The following NIN variants were observed in gnomAD, a reference collection of about 807,000 sequenced individuals.
NIN encodes the protein ninein, also known as glycogen synthase kinase 3 beta-interacting protein.
Under a neutral mutation model 257.6 loss-of-function variants are expected in NIN, and 137 were observed. The observed-to-expected ratio is 0.53, with a 90% confidence interval of 0.46 to 0.61. The LOEUF (loss-of-function observed/expected upper bound fraction) is 0.61, where lower values mean the gene tolerates loss of function less well. Among genes scored for constraint, NIN ranks in the 20% least tolerant of loss-of-function variants. The pLI is 0.00. For synonymous variants in NIN, 918 were observed against 919.8 expected, an observed-to-expected ratio of 1.00 and a Z score of 0.04; for missense variants, 2,439 against 2,501.2, an observed-to-expected ratio of 0.98 and a Z score of 0.53.
chr14:50,735,765 C>G lies in NIN; in HGVS notation c.5776-148G>C, dbSNP rs934981345. On this transcript the variant is annotated intron_variant, in intron 27 of 30. Transcript: ENST00000530997. Reference sequence around the variant, plus strand: ...TCAGTGACAAACAAATAATACAATTCAGTGTATTGCTTACATTTAAGTAAT... The same window carrying G: ...TCAGTGACAAACAAATAATACAATTGAGTGTATTGCTTACATTTAAGTAAT... 1.6e-5 allele frequency: 17 copies of G among 1,037,094 alleles called. No homozygotes were observed. The African/African-American group carries it at 2.6e-4, about 16-fold the overall frequency. The allele number at this position is 1,037,094 out of a possible 1,614,324, so 64.2% of individuals were successfully genotyped here.
chr14:50,762,043 G>T, intron 15 of NIN, 132 bp from the exon 16 acceptor site: 2 of 916,352 alleles, frequency 2.2e-6, no homozygotes, highest in Non-Finnish European at 1.7e-6. Context: ...GAACTAATAG[G>T]AAATAACAGA....
At chr14:50,765,199 C>T (rs754859096) in intron 14 of NIN, among the ~76,000 whole-genome samples, 3 of 151,886 alleles carry the variant, frequency 2.0e-5, no homozygotes, top group Non-Finnish European at 2.9e-5. Flanking sequence ...ATCACACCAC[C>T]GTACTCCAGC....
chr14:50,796,446 C>T (rs150639058), intron 4 of NIN, among the ~76,000 whole-genome samples: 1,806 of 152,222 alleles, frequency 0.012, 20 homozygotes, highest in Non-Finnish European at 0.016. Flanking sequence ...ACATCTGATT[C>T]GAGAGTTAAA....
chr14:50,822,582 G>A (rs529345489), intron 2 of NIN, among the ~76,000 whole-genome samples: 3 of 152,308 alleles, frequency 2.0e-5, no homozygotes, highest in Admixed American at 6.5e-5. Context: ...TGGTGCAATC[G>A]GTCAGCGTGG....
intron 3 of NIN, among the ~76,000 whole-genome samples, chr14:50,808,244 A>G (rs1022963885): frequency 1.3e-5 from 2 of 152,114 alleles, no homozygotes; most frequent in Non-Finnish European, 2.9e-5. Context: ...ATCCTGGGGG[A>G]GGGAGGGGCG....
At chr14:50,808,084 G>T (rs944400793) in intron 3 of NIN, among the ~76,000 whole-genome samples, 1 of 152,130 alleles carries the variant, frequency 6.6e-6, no homozygotes, top group South Asian at 2.1e-4. Flanking sequence ...CCTTTTTACA[G>T]GCTTAAAAAA....
chr14:50,731,661 C>T lies in NIN; in HGVS notation c.5878-1938G>A, dbSNP rs182961852. Among the ~76,000 whole-genome samples the T allele has an allele frequency of 5.3e-5, 8 of 151,828 alleles. No homozygotes were observed. In the East Asian group the frequency reaches 1.4e-3, roughly 26 times the overall value. ...CCATCCTGGCAACGTGGTGAAATGC[C>T]ATCTCTACTAAAAATACAACCAGGC... On this transcript the variant is annotated intron_variant, in intron 28 of 30. Coordinates refer to ENST00000530997, the MANE Select transcript of NIN (RefSeq NM_020921.4).
At chr14:50,746,326 T>G (rs777773418) in intron 22 of NIN, among the ~76,000 whole-genome samples, 28 of 152,254 alleles carry the variant, frequency 1.8e-4, no homozygotes, top group Non-Finnish European at 3.2e-4. Flanking sequence ...TTTTAACTTC[T>G]GTTATGTTTA....
At chr14:50,801,560 G>C (rs117497148) in intron 4 of NIN, among the ~76,000 whole-genome samples, 1 of 152,154 alleles carries the variant, frequency 6.6e-6, no homozygotes, top group African/African-American at 2.4e-5. Flanking sequence ...AGGGACTTCA[G>C]CCAGACTTCA....
chr14:50,726,985 C>G lies in NIN; in HGVS notation c.6079-919G>C, dbSNP rs373908945. On this transcript the variant is annotated intron_variant, in intron 29 of 30. Transcript: ENST00000530997. ...AAAGAAACCCTAAATCATGTAGTAACTATCCGGAGGATAAAAATTGTAATA... is the reference window on the plus strand; with the variant it reads ...AAAGAAACCCTAAATCATGTAGTAAGTATCCGGAGGATAAAAATTGTAATA... Among the ~76,000 whole-genome samples the G allele has an allele frequency of 1.1e-4, 16 of 152,180 alleles. No individual in the cohort carries two copies. The East Asian group carries it at 1.5e-3, about 15-fold the overall frequency.
At chr14:50,823,834 G>A (rs1161504382) in intron 2 of NIN, among the ~76,000 whole-genome samples, 1 of 152,184 alleles carries the variant, frequency 6.6e-6, no homozygotes, top group Non-Finnish European at 1.5e-5. Context: ...CTATGTAAAT[G>A]TTTTCAAAAT....
Position 50,821,956 on chromosome 14 carries a change from G to C in NIN, c.101C>G (p.Thr34Ser), listed in dbSNP as rs746572525. ...GTGSLGQEEL[T>S]DLCHMLSLEE... ...CAAGCTCAACATGTGGCAAAGGTCGGTGAGTTCCTCCTGCCCCAGGGACCC... is the reference window on the plus strand; with the variant it reads ...CAAGCTCAACATGTGGCAAAGGTCGCTGAGTTCCTCCTGCCCCAGGGACCC... Residue 34 changes from threonine (T) to serine (S), a missense_variant, in exon 3 of 31, where the codon ACC (threonine) becomes AGC (serine). Physicochemically the swap from Thr to Ser is moderately conservative, Grantham distance 58. Around this residue, in one of 3 missense-constraint regions of NIN, gnomAD observed 387 missense variants for 427.3 expected, o/e 0.91. Coordinates refer to ENST00000530997, the MANE Select transcript of NIN (RefSeq NM_020921.4). 1 of 1,614,206 alleles carries C rather than the reference G, an allele frequency of 6.2e-7. No homozygotes were observed. Among genetic ancestry groups the C allele is most frequent in the Non-Finnish European group, 8.5e-7 (1 of 1,180,024 alleles).
intron 5 of NIN, among the ~76,000 whole-genome samples, chr14:50,786,634 T>TA (rs535160610): frequency 0.038 from 5,418 of 144,158 alleles, 106 homozygotes; most frequent in Non-Finnish European, 0.053. Flanking sequence ...GGAATTCCAT[T>TA]AAAAAAAAAA....
At position 50,722,657 on chromosome 14, in the gene NIN, A is replaced by G. The variant is rs2040293519; in HGVS notation, c.*806T>C. 4.6e-6 allele frequency: 1 copy of G among 216,416 alleles called. No individual in the cohort carries two copies. The highest frequency in any genetic ancestry group is 9.3e-6 in the Non-Finnish European group (1 of 107,090). The allele number at this position is 216,416 out of a possible 1,614,324, so 13.4% of individuals were successfully genotyped here. ...CTGCTTATCCCTCTTTTCTAAGAGT[A>G]GCTATTTACTCCAAAGTGGTTTGTT... is the stretch of plus-strand genomic sequence containing the variant. On this transcript the variant is annotated 3_prime_UTR_variant, in exon 31 of 31. Coordinates refer to ENST00000530997, the MANE Select transcript of NIN (RefSeq NM_020921.4).
intron 5 of NIN, among the ~76,000 whole-genome samples, chr14:50,791,883 G>A (rs990764912): frequency 5.3e-5 from 8 of 151,714 alleles, no homozygotes; most frequent in African/African-American, 1.2e-4. Flanking sequence ...AAGTTGAGGC[G>A]CTTTGTTTCT....
At chr14:50,779,602 C>A (rs555784644) in intron 5 of NIN, among the ~76,000 whole-genome samples, 161 of 152,082 alleles carry the variant, frequency 1.1e-3, no homozygotes, top group African/African-American at 3.7e-3. Flanking sequence ...ACCAAAAATA[C>A]AAAAAATTAG....
At chr14:50,784,481 C>T (rs2043261741) in intron 5 of NIN, among the ~76,000 whole-genome samples, 2 of 152,320 alleles carry the variant, frequency 1.3e-5, no homozygotes, top group East Asian at 3.9e-4. Context: ...GCACTTACAA[C>T]AGTGCCCATT....
Position 50,735,599 on chromosome 14 carries a change from G to A in NIN, c.5794C>T (p.Leu1932Phe). Residue 1932 changes from leucine to phenylalanine, a missense_variant, in exon 28 of 31, where the codon CTT becomes TTT. Transcript: ENST00000530997. ...TGAATTGTTTCTAATTCTTGTTCAA[G>A]GGAATTCATCTGACTGACCTGTTTA... The part of the protein sequence containing the change: ...ANRKVSQMNS[L>F]EQELETIHLE... The A allele has an allele frequency of 6.2e-7, 1 of 1,611,244 alleles. No homozygotes were observed. Among genetic ancestry groups the A allele is most frequent in the Non-Finnish European group, 8.5e-7 (1 of 1,179,824 alleles).
chr14:50,807,473 ATTAC>A (rs755216658), intron 3 of NIN, among the ~76,000 whole-genome samples: 4 of 152,248 alleles, frequency 2.6e-5, no homozygotes, highest in Admixed American at 1.3e-4. Context: ...GAACTAGGAT[ATTAC>A]TTTGTTGAAA....
Sources: allele counts gnomAD v4.1 joint callset (sites outside exome capture counted in the v4.1 genomes callset), GRCh38; gene constraint gnomAD v4.1.1; regional missense constraint gnomAD v4.1.1; transcripts MANE v1.5; gene names NCBI Gene and HGNC (gene_info 2026-07-23, HGNC 2026-07-21).